The following MIPEP variants were observed in gnomAD, a reference collection of about 807,000 sequenced individuals.
MIPEP encodes mitochondrial intermediate peptidase.
In MIPEP, 79 loss-of-function variants were observed where a neutral mutation model predicts 90.3. That is an observed-to-expected ratio of 0.87 (90% confidence interval 0.73 to 1.05). MIPEP has a LOEUF of 1.05. Ranked by LOEUF, MIPEP falls within the 50% of genes least tolerant of loss-of-function variation. The pLI is 0.00. For missense variants in MIPEP, 940 were observed against 905.6 expected, an observed-to-expected ratio of 1.04 and a Z score of -0.49; for synonymous variants, 334 against 315.8, an observed-to-expected ratio of 1.06 and a Z score of -0.61.
intron 16 of MIPEP, among the ~76,000 whole-genome samples, chr13:23,769,726 C>A (rs532600321): frequency 6.6e-6 from 1 of 152,268 alleles, no homozygotes; most frequent in East Asian, 1.9e-4. Context: ...AGGAGAGGGA[C>A]AAATGGGACA....
intron 7 of MIPEP, among the ~76,000 whole-genome samples, 171 bp downstream of exon 7, chr13:23,869,121 A>C (rs1260706325): frequency 6.6e-6 from 1 of 152,266 alleles, no homozygotes; most frequent in Non-Finnish European, 1.5e-5. Context: ...GAATTATGCC[A>C]AATTATTAGC....
At chr13:23,882,558 A>C (rs1456881963) in intron 2 of MIPEP, among the ~76,000 whole-genome samples, 1 of 152,232 alleles carries the variant, frequency 6.6e-6, no homozygotes, top group African/African-American at 2.4e-5. Flanking sequence ...AGACATTAAA[A>C]TGAGTGACAG....
chr13:23,886,164 A>G (rs1871471540), intron 2 of MIPEP, among the ~76,000 whole-genome samples, 169 bp downstream of exon 2: 1 of 152,150 alleles, frequency 6.6e-6, no homozygotes, highest in Non-Finnish European at 1.5e-5. Context: ...ATATTTTCCC[A>G]TTCCTAATGA....
chr13:23,832,786 A>G (rs1868834867), intron 14 of MIPEP, among the ~76,000 whole-genome samples: 1 of 152,048 alleles, frequency 6.6e-6, no homozygotes, highest in African/African-American at 2.4e-5. Flanking sequence ...CCAAGTTTGT[A>G]CTCCTTCTAT....
intron 16 of MIPEP, among the ~76,000 whole-genome samples, chr13:23,779,495 A>C (rs533021408): frequency 1.3e-5 from 2 of 152,330 alleles, no homozygotes; most frequent in East Asian, 3.9e-4. Context: ...AGATGGACGA[A>C]TAGGAACAGC....
chr13:23,778,433 C>T (rs886690550), intron 16 of MIPEP, among the ~76,000 whole-genome samples: 3 of 152,234 alleles, frequency 2.0e-5, no homozygotes, highest in East Asian at 1.9e-4. Flanking sequence ...GTTGGGGGCA[C>T]GAATCACCAT....
intron 15 of MIPEP, 99 bp from the exon 16 acceptor site, chr13:23,806,168 C>A (rs1306567538): frequency 8.1e-7 from 1 of 1,229,154 alleles, no homozygotes; most frequent in Non-Finnish European, 1.2e-6. Flanking sequence ...CAACAGTTAC[C>A]AATCACAGTT....
At chr13:23,753,244 T>A (rs1435300734) in intron 18 of MIPEP, among the ~76,000 whole-genome samples, 74 of 147,452 alleles carry the variant, frequency 5.0e-4, no homozygotes, top group Non-Finnish European at 8.6e-4. Context: ...AAAAAAATAA[T>A]AATAATAATA....
intron 10 of MIPEP, among the ~76,000 whole-genome samples, chr13:23,842,838 G>A (rs941465347): frequency 5.3e-5 from 8 of 152,158 alleles, no homozygotes; most frequent in Admixed American, 2.6e-4. Context: ...TGTGGCTCAC[G>A]CCTATAATCC....
rs542630828 is a variant in MIPEP, at chr13:23,743,555, A to G, written c.2044+12990T>C. 2.9e-4 allele frequency among the ~76,000 whole-genome samples: 44 copies of G among 152,362 alleles called. 1 individual carries two copies. The highest frequency in any genetic ancestry group is 1.0e-3 in the African/African-American group (43 of 41,594). ...TGGATTGGTATCTGTCGGCATTCAC[A>G]TATGAGGCTCTCTCTGTCTCTCTAG... On this transcript the variant is annotated intron_variant, in intron 18 of 18. Coordinates refer to ENST00000382172, the MANE Select transcript of MIPEP (RefSeq NM_005932.4).
intron 5 of MIPEP, among the ~76,000 whole-genome samples, chr13:23,872,671 T>C (rs78900832): frequency 0.13 from 20,497 of 152,126 alleles, 1,489 homozygotes; most frequent in African/African-American, 0.17. Flanking sequence ...TTTAGTTGCA[T>C]ATTCAATATT....
intron 16 of MIPEP, among the ~76,000 whole-genome samples, chr13:23,760,730 C>T (rs1480380908): frequency 6.6e-6 from 1 of 152,178 alleles, no homozygotes; most frequent in African/African-American, 2.4e-5. Flanking sequence ...GCAGCCTTAG[C>T]ACACTAAGAC....
rs114262291 is a variant in MIPEP, at chr13:23,793,802, G to A, written c.1848+12148C>T. On this transcript the variant is annotated intron_variant, in intron 16 of 18. Transcript: ENST00000382172. ...ATGGTTCAAGCAGAAGGCAAAGGGA[G>A]CAGAAAGAGAGCACTCCAGGCAGCA... Among the ~76,000 whole-genome samples, 501 of 151,842 alleles carry A rather than the reference G, an allele frequency of 3.3e-3. 2 individuals are homozygous for A. Among genetic ancestry groups the A allele is most frequent in the African/African-American group, 0.012 (488 of 41,400 alleles).
At chr13:23,845,205 A>T (rs1484185137) in intron 10 of MIPEP, among the ~76,000 whole-genome samples, 1 of 152,224 alleles carries the variant, frequency 6.6e-6, no homozygotes, top group Admixed American at 6.5e-5. Flanking sequence ...TATAACTTGG[A>T]ATACTTTCCA....
At chr13:23,841,783 T>C (rs1433931427) in intron 10 of MIPEP, among the ~76,000 whole-genome samples, 2 of 152,210 alleles carry the variant, frequency 1.3e-5, no homozygotes, top group African/African-American at 4.8e-5. Flanking sequence ...TCTCAACTGC[T>C]CACTGTATAC....
rs1214782074 is a variant in MIPEP, at chr13:23,875,012, CAA to C, written c.540-105_540-104del. On this transcript the variant is annotated intron_variant, in intron 4 of 18. Coordinates refer to ENST00000382172, the MANE Select transcript of MIPEP (RefSeq NM_005932.4). ...AATAAGTCTTTTTCAGCCTCACTGCCAAAAGTTTCTTCAAAACACACACACAC... is the reference window on the plus strand; with the variant it reads ...AATAAGTCTTTTTCAGCCTCACTGCCAAGTTTCTTCAAAACACACACACAC... The C allele has an allele frequency of 2.2e-5, 16 of 715,288 alleles. No homozygotes were observed. In the East Asian group the frequency reaches 3.2e-4, roughly 14 times the overall value. The allele number at this position is 715,288 out of a possible 1,614,324, so 44.3% of individuals were successfully genotyped here.
At chr13:23,797,800 C>T (rs1029027004) in intron 16 of MIPEP, among the ~76,000 whole-genome samples, 1 of 152,146 alleles carries the variant, frequency 6.6e-6, no homozygotes, top group Non-Finnish European at 1.5e-5. Context: ...AATATAGCCT[C>T]GGTATTAGTT....
intron 18 of MIPEP, among the ~76,000 whole-genome samples, chr13:23,745,117 G>A (rs1157368164): frequency 6.6e-6 from 1 of 152,174 alleles, no homozygotes; most frequent in African/African-American, 2.4e-5. Context: ...TAACTTATGT[G>A]ATGGGTCACA....
intron 18 of MIPEP, among the ~76,000 whole-genome samples, chr13:23,738,938 C>T (rs1401259734): frequency 6.6e-6 from 1 of 152,226 alleles, no homozygotes; most frequent in Non-Finnish European, 1.5e-5. Flanking sequence ...CTGCTGCATG[C>T]TCGCCTTTAA....
Sources: allele counts gnomAD v4.1 joint callset (sites outside exome capture counted in the v4.1 genomes callset), GRCh38; gene constraint gnomAD v4.1.1; transcripts MANE v1.5; gene names NCBI Gene and HGNC (gene_info 2026-07-23, HGNC 2026-07-21).